SIPA1L1: variants seen among roughly 807,000 people sequenced by gnomAD.
SIPA1L1 encodes signal-induced proliferation-associated 1-like protein 1.
SIPA1L1 carries 26 observed loss-of-function variants against 162.7 expected under a neutral mutation model. The ratio of observed to expected loss-of-function variants is 0.16; its 90% CI spans 0.12 to 0.22. The LOEUF (loss-of-function observed/expected upper bound fraction) is 0.22. Ranked by LOEUF, SIPA1L1 falls within the 10% of genes least tolerant of loss-of-function variation. The pLI is 1.00. For missense variants in SIPA1L1, 1,874 were observed against 2,241.0 expected (o/e 0.84, Z 3.31); for synonymous variants, 829 against 837.4 (o/e 0.99, Z 0.17).
chr14:71,522,493 A>G (rs1345064632), intron 3 of SIPA1L1, among the ~76,000 whole-genome samples: 1 of 152,190 alleles, frequency 6.6e-6, no homozygotes, highest in Non-Finnish European at 1.5e-5. Flanking sequence ...TATACTTTCT[A>G]GTTGAGCATC....
At chr14:71,373,808 G>C (rs938009125) in intron 2 of SIPA1L1, among the ~76,000 whole-genome samples, 3 of 152,056 alleles carry the variant, frequency 2.0e-5, no homozygotes, top group African/African-American at 4.8e-5. Context: ...GCTCATGCCT[G>C]TAATTCTAGC....
In SIPA1L1 at chr14:71,685,659, A is replaced by G. The variant is rs138312607; in HGVS notation, c.3374+28A>G. The G allele has an allele frequency of 2.7e-3, 4,341 of 1,610,736 alleles. 6 individuals carry two copies. Among genetic ancestry groups the G allele is most frequent in the Non-Finnish European group, 3.3e-3 (3,940 of 1,177,730 alleles). On this transcript the variant is annotated intron_variant, in intron 13 of 23. Coordinates refer to ENST00000381232, the MANE Select transcript of SIPA1L1 (RefSeq NM_001386936.1). ...AAGTGTGCCTTCAAAGGTTTGCTCTATCTCTCTCTGCCCCAAATGTAAGTA... is the reference window on the plus strand; with the variant it reads ...AAGTGTGCCTTCAAAGGTTTGCTCTGTCTCTCTCTGCCCCAAATGTAAGTA...
intron 10 of SIPA1L1, among the ~76,000 whole-genome samples, chr14:71,670,351 A>T (rs1427037477): frequency 6.6e-6 from 1 of 152,216 alleles, no homozygotes; most frequent in Non-Finnish European, 1.5e-5. Context: ...TGACTGGAAC[A>T]GGCTTTCTTA....
At chr14:71,342,944 T>C (rs561875102) in intron 2 of SIPA1L1, among the ~76,000 whole-genome samples, 5 of 152,350 alleles carry the variant, frequency 3.3e-5, no homozygotes, top group African/African-American at 1.2e-4. Flanking sequence ...TGTTAAACTT[T>C]CGTGGCCAAA....
intron 7 of SIPA1L1, among the ~76,000 whole-genome samples, chr14:71,628,202 A>G (rs1281373174): frequency 6.6e-6 from 1 of 152,256 alleles, no homozygotes; most frequent in African/African-American, 2.4e-5. Flanking sequence ...TAAATAATGT[A>G]GAAAATTCAG....
At chr14:71,363,711 C>T (rs1021059620) in intron 2 of SIPA1L1, among the ~76,000 whole-genome samples, 1 of 152,186 alleles carries the variant, frequency 6.6e-6, no homozygotes, top group Non-Finnish European at 1.5e-5. Context: ...TGTAGGATGA[C>T]TCCTATAGCA....
At chr14:71,476,679 T>G (rs930336220) in intron 2 of SIPA1L1, among the ~76,000 whole-genome samples, 1 of 134,004 alleles carries the variant, frequency 7.5e-6, no homozygotes, top group African/African-American at 2.5e-5. Flanking sequence ...ATTTATTTAT[T>G]TATTTATTTA....
At chr14:71,338,828 C>A (rs1010028963) in intron 2 of SIPA1L1, among the ~76,000 whole-genome samples, 2 of 150,994 alleles carry the variant, frequency 1.3e-5, no homozygotes, top group South Asian at 4.2e-4. Flanking sequence ...CAACCTCCGC[C>A]TCCTGGGTTC....
At chr14:71,648,812 C>G (rs2042385842) in intron 7 of SIPA1L1, among the ~76,000 whole-genome samples, 1 of 152,200 alleles carries the variant, frequency 6.6e-6, no homozygotes. Context: ...AGCGGTTGTC[C>G]AAAGACAAAC....
In SIPA1L1 at chr14:71,595,571, C is replaced by T. The variant is rs548724903; in HGVS notation, c.1498+6201C>T. 2.0e-5 allele frequency among the ~76,000 whole-genome samples: 3 copies of T among 152,310 alleles called. No homozygotes were observed. In the East Asian group the frequency reaches 5.8e-4, roughly 29 times the overall value. On this transcript the variant is annotated intron_variant, in intron 5 of 23. Coordinates refer to ENST00000381232, the MANE Select transcript of SIPA1L1 (RefSeq NM_001386936.1). Reference sequence around the variant, plus strand: ...ATATATCCTGTATCATTAATGACCTCAATTCTTTTTGGAAAAAGATGATTA... The same window carrying T: ...ATATATCCTGTATCATTAATGACCTTAATTCTTTTTGGAAAAAGATGATTA...
rs560416650 is a variant in SIPA1L1 at position 71,486,273 on chromosome 14, A to G, written c.-464-26470A>G. Among the ~76,000 whole-genome samples the G allele has an allele frequency of 3.9e-5, 6 of 152,292 alleles. 1 individual carries two copies. The highest frequency in any genetic ancestry group is 2.6e-4 in the Admixed American group (4 of 15,300). On this transcript the variant is annotated intron_variant, in intron 2 of 23. Transcript: ENST00000381232. ...CAGCTATCTGACTATACAGGGTTCG[A>G]TTTTCTGTGGGGAAACCACTTGGGG...
chr14:71,530,505 T>C (rs2053332906), intron 4 of SIPA1L1, among the ~76,000 whole-genome samples: 1 of 152,228 alleles, frequency 6.6e-6, no homozygotes, highest in Non-Finnish European at 1.5e-5. Context: ...TATACCCTTC[T>C]AATTCCTTGT....
intron 18 of SIPA1L1, 124 bp downstream of exon 18, chr14:71,724,010 TG>T: frequency 9.5e-7 from 1 of 1,058,090 alleles, no homozygotes; most frequent in Non-Finnish European, 1.3e-6. Flanking sequence ...GTTGGTCTGT[TG>T]GTGGGATTAT....
intron 12 of SIPA1L1, among the ~76,000 whole-genome samples, chr14:71,675,633 C>T (rs891086870): frequency 6.6e-6 from 1 of 152,242 alleles, no homozygotes; most frequent in Non-Finnish European, 1.5e-5. Context: ...CACACTCCCA[C>T]TGCTGTTTTT....
intron 5 of SIPA1L1, among the ~76,000 whole-genome samples, chr14:71,611,650 C>T (rs755830291): frequency 4.1e-4 from 62 of 151,856 alleles, no homozygotes; most frequent in Non-Finnish European, 6.8e-4. Context: ...TAAGAACATG[C>T]GATGTTTGGT....
chr14:71,347,133 G>A (rs576887285), intron 2 of SIPA1L1, among the ~76,000 whole-genome samples: 4 of 145,342 alleles, frequency 2.8e-5, no homozygotes, highest in African/African-American at 7.5e-5. Flanking sequence ...TTTTTTTTTC[G>A]TATTTTTAGT....
At chr14:71,325,659 A>G (rs1467419443) in intron 2 of SIPA1L1, among the ~76,000 whole-genome samples, 1 of 152,196 alleles carries the variant, frequency 6.6e-6, no homozygotes. Context: ...AATGACATGG[A>G]GGGATGTCAG....
intron 2 of SIPA1L1, chr14:71,417,988 A>G (rs1407309422): frequency 2.6e-5 from 4 of 152,208 alleles, no homozygotes; most frequent in African/African-American, 9.7e-5. Context: ...AAATGATAGG[A>G]AATCCTTTAG....
intron 2 of SIPA1L1, among the ~76,000 whole-genome samples, chr14:71,348,217 G>A (rs572465137): frequency 5.3e-5 from 8 of 152,114 alleles, no homozygotes; most frequent in Non-Finnish European, 8.8e-5. Context: ...TCAACACAGA[G>A]ACTATTACCA....
Sources: gnomAD v4.1 joint callset for allele counts (sites outside exome capture counted in the v4.1 genomes callset) on GRCh38, gnomAD v4.1.1 for gene constraint, MANE v1.5 for transcripts, NCBI Gene and HGNC (gene_info 2026-07-23, HGNC 2026-07-21) for gene names.